TDRD6: variants seen among roughly 807,000 people sequenced by gnomAD.
The protein encoded by TDRD6 is tudor domain-containing protein 6.
TDRD6 carries 186 observed loss-of-function variants against 157.5 expected under a neutral mutation model. That is an observed-to-expected ratio of 1.18 (90% confidence interval 1.05 to 1.33). The LOEUF is 1.33. TDRD6 is among the 40% of genes most tolerant of loss of function. The pLI is 0.00. For missense variants in TDRD6, 3,066 were observed against 2,508.0 expected (o/e 1.22, Z -4.75); for synonymous variants, 1,075 against 945.2 (o/e 1.14, Z -2.52).
chr6:46,692,236 T>TA lies in TDRD6; in HGVS notation c.4109dup (p.Tyr1370Ter). ...CAVFPEDNLW[Y>*]RAVIKEQQPN... ...TGTTTTCCCAGAAGATAATTTATGG[T>TA]ATCGTGCTGTGATCAAGGAGCAACA... The change falls in exon 1 of 4, where the codon TAT (tyrosine) becomes TAAT (stop). Residue 1370 changes from tyrosine to a stop codon, truncating the protein, a stop_gained and frameshift_variant. Transcript: ENST00000316081. LOFTEE classifies it high-confidence loss of function. The TA allele has an allele frequency of 6.2e-7, 1 of 1,614,086 alleles. No individual in the cohort carries two copies. Among genetic ancestry groups the TA allele is most frequent in the Non-Finnish European group, 8.5e-7 (1 of 1,179,976 alleles).
At chr6:46,699,606 C>A (rs974670) in intron 3 of TDRD6, among the ~76,000 whole-genome samples, 1 of 151,830 alleles carries the variant, frequency 6.6e-6, no homozygotes, top group Admixed American at 6.6e-5. Flanking sequence ...TTGCTGTCTA[C>A]GCTAGCTAGG....
Position 46,691,434 on chromosome 6 carries a change from T to G in TDRD6, c.3306T>G (p.Asp1102Glu). Residue 1102 changes from aspartate to glutamate, a missense_variant, in exon 1 of 4, where the codon GAT becomes GAG. Coordinates refer to ENST00000316081, the MANE Select transcript of TDRD6 (RefSeq NM_001010870.3). ...PMQAVRCSLS[D>E]IPDHIPEEVV... The stretch of plus-strand genomic sequence containing the variant: ...AAGCTGTCAGATGTTCATTATCTGA[T>G]ATTCCTGATCATATACCAGAAGAAG... 6.2e-7 allele frequency: 1 copy of G among 1,614,100 alleles called. No individual in the cohort carries two copies. The highest frequency in any genetic ancestry group is 8.5e-7 in the Non-Finnish European group (1 of 1,179,958).
In TDRD6 at chr6:46,693,686, C is replaced by G. The variant is rs1300296257; in HGVS notation, c.5558C>G (p.Ser1853Cys). ...TCAAAAGAATTCTTAGAACTGGAAT[C>G]TATTGAGTTACAGAATTCTCTGGTG... ...DESKEFLELE[S>C]IELQNSLVVD... Residue 1853 changes from serine (S) to cysteine (C), a missense_variant, in exon 1 of 4, where the codon TCT (serine) becomes TGT (cysteine). Physicochemically the swap from Ser to Cys is moderately radical, Grantham distance 112. Transcript: ENST00000316081. 2 of 1,614,138 alleles carry G rather than the reference C, an allele frequency of 1.2e-6. No homozygotes were observed. The highest frequency in any genetic ancestry group is 2.2e-5 in the South Asian group (2 of 91,078).
In TDRD6 at chr6:46,693,733, C is replaced by T; in HGVS notation, c.5605C>T (p.Leu1869=). ...SLVVDEEKGE[L]SPVPPNVPLS... ...GGTGGTGGATGAAGAAAAAGGGGAG[C>T]TAAGCCCGGTGCCACCGAATGTGCC... The change falls in exon 1 of 4, where the codon CTA becomes TTA. Residue 1869 remains leucine, a synonymous_variant. Coordinates refer to ENST00000316081, the MANE Select transcript of TDRD6 (RefSeq NM_001010870.3). 1 of 1,614,156 alleles carries T rather than the reference C, an allele frequency of 6.2e-7. No individual in the cohort carries two copies. Among genetic ancestry groups the T allele is most frequent in the South Asian group, 1.1e-5 (1 of 91,084 alleles).
rs771566929 is a variant in TDRD6, at chr6:46,689,059, G to T, written c.931G>T (p.Asp311Tyr). ...ATWEEREESP[D>Y]KPGSPCASCG... ...CTGGGAGGAGAGGGAGGAGAGCCCA[G>T]ATAAGCCGGGCTCTCCGTGTGCATC... The change falls in exon 1 of 4, where the codon GAT becomes TAT. Residue 311 changes from aspartate to tyrosine, a missense_variant. By Grantham distance (160) the Asp-to-Tyr change is radical. Coordinates refer to ENST00000316081, the MANE Select transcript of TDRD6 (RefSeq NM_001010870.3). The T allele has an allele frequency of 1.9e-6, 3 of 1,614,082 alleles. No individual in the cohort carries two copies. Among genetic ancestry groups the T allele is most frequent in the East Asian group, 2.2e-5 (1 of 44,874 alleles).
rs769291160 is a variant in TDRD6 at position 46,688,140 on chromosome 6, G to GC, written c.15dup (p.Gly6ArgfsTer154). On this transcript the variant is annotated frameshift_variant, in exon 1 of 4. Coordinates refer to ENST00000316081, the MANE Select transcript of TDRD6 (RefSeq NM_001010870.3). LOFTEE classifies it high-confidence loss of function. ...GCCGCGCCGTCAAGATGTGCTCGACGCCCGGAATGCCGGCGCCGGGGGCCT... is the reference window on the plus strand; with the variant it reads ...GCCGCGCCGTCAAGATGTGCTCGACGCCCCGGAATGCCGGCGCCGGGGGCCT... 6 of 1,538,188 alleles carry GC rather than the reference G, an allele frequency of 3.9e-6. No individual in the cohort carries two copies. In the East Asian group the frequency reaches 1.2e-4, roughly 31 times the overall value.
Position 46,691,277 on chromosome 6 carries a change from A to T in TDRD6, c.3149A>T (p.Tyr1050Phe). ...CLAKYTDGNWYRGIVIEKEPK... is the reference protein window; with the variant it reads ...CLAKYTDGNWFRGIVIEKEPK... ...GCCAAGTATACTGATGGAAACTGGT[A>T]TAGGGGCATAGTAATAGAGAAAGAG... The change falls in exon 1 of 4, where the codon TAT becomes TTT. Residue 1050 changes from tyrosine to phenylalanine, a missense_variant. Transcript: ENST00000316081. 6.2e-7 allele frequency: 1 copy of T among 1,614,114 alleles called. No homozygotes were observed.
intron 2 of TDRD6, among the ~76,000 whole-genome samples, chr6:46,696,494 GTATATGTAATA>G (rs1764500182): frequency 2.0e-5 from 2 of 101,376 alleles, no homozygotes; most frequent in South Asian, 7.2e-4. Flanking sequence ...ATATATATAT[GTATATGTAATA>G]TATATGTATA....
At chr6:46,694,253 A>C in intron 1 of TDRD6, 79 bp downstream of exon 1, 2 of 1,074,198 alleles carry the variant, frequency 1.9e-6, no homozygotes, top group Middle Eastern at 3.3e-4. Flanking sequence ...CCTAGGCTGG[A>C]GTGCAGTGGT....
Position 46,689,590 on chromosome 6 carries a change from T to C in TDRD6, c.1462T>C (p.Phe488Leu), listed in dbSNP as rs1184194946. 2 of 1,614,178 alleles carry C rather than the reference T, an allele frequency of 1.2e-6. No individual in the cohort carries two copies. Among genetic ancestry groups the C allele is most frequent in the Non-Finnish European group, 1.7e-6 (2 of 1,180,030 alleles). Residue 488 changes from phenylalanine to leucine, a missense_variant, in exon 1 of 4, where the codon TTC becomes CTC. Transcript: ENST00000316081. Reference sequence around the variant, plus strand: ...ATCTATCAGGTTAAAGATGAATGCCTTCTACGATGCGCAGGTAGAGTTTGT... The same window carrying C: ...ATCTATCAGGTTAAAGATGAATGCCCTCTACGATGCGCAGGTAGAGTTTGT... ...LRSIRLKMNA[F>L]YDAQVEFVKN...
At position 46,692,373 on chromosome 6, in the gene TDRD6, C is replaced by G; in HGVS notation, c.4245C>G (p.Cys1415Trp). The G allele has an allele frequency of 6.2e-7, 1 of 1,614,142 alleles. No homozygotes were observed. Among genetic ancestry groups the G allele is most frequent in the Non-Finnish European group, 8.5e-7 (1 of 1,180,030 alleles). The change falls in exon 1 of 4, where the codon TGC becomes TGG. Residue 1415 changes from cysteine to tryptophan, a missense_variant. Transcript: ENST00000316081. ...DLVNAILPGL[C>W]IHCSLQGFEV... ...TTAATGCAATATTGCCGGGGTTGTGCATTCATTGCTCCTTGCAGGGATTTG... is the reference window on the plus strand; with the variant it reads ...TTAATGCAATATTGCCGGGGTTGTGGATTCATTGCTCCTTGCAGGGATTTG...
chr6:46,691,581 T>A lies in TDRD6; in HGVS notation c.3453T>A (p.Ser1151Arg). The A allele has an allele frequency of 1.2e-6, 2 of 1,613,472 alleles. No individual in the cohort carries two copies. Among genetic ancestry groups the A allele is most frequent in the Non-Finnish European group, 1.7e-6 (2 of 1,179,688 alleles). Reference protein sequence around the residue: ...LYGDNIQISASINKKLGLLSY... With the variant: ...LYGDNIQISARINKKLGLLSY... ...GTGACAATATTCAAATTAGTGCTAGTATTAATAAGAAGTTGGGGCTACTTA... is the reference window on the plus strand; with the variant it reads ...GTGACAATATTCAAATTAGTGCTAGAATTAATAAGAAGTTGGGGCTACTTA... Residue 1151 changes from serine (S) to arginine (R), a missense_variant, in exon 1 of 4, where the codon AGT (serine) becomes AGA (arginine). Transcript: ENST00000316081.
At chr6:46,696,071 T>C (rs1307641939) in intron 2 of TDRD6, 126 bp downstream of exon 2, 1 of 1,001,194 alleles carries the variant, frequency 1.0e-6, no homozygotes, top group Non-Finnish European at 1.5e-6. Flanking sequence ...CCCTGATAAC[T>C]TGATGTAATG....
At chr6:46,695,195 A>G (rs541463444) in intron 1 of TDRD6, among the ~76,000 whole-genome samples, 6 of 152,298 alleles carry the variant, frequency 3.9e-5, no homozygotes, top group East Asian at 3.9e-4. Flanking sequence ...GAAGTGATCA[A>G]TGTTAACACC....
chr6:46,681,613 A>C, the TDRD6 span: 12 of 469,848 alleles, frequency 2.6e-5, no homozygotes, highest in African/African-American at 2.4e-4. Context: ...GTTTGCTGAA[A>C]ATATCTGGTA....
At position 46,688,022 on chromosome 6, in the gene TDRD6, T is replaced by C. The variant is rs1026182782; in HGVS notation, c.-107T>C. The C allele has an allele frequency of 8.7e-6, 12 of 1,376,590 alleles. No individual in the cohort carries two copies. Among genetic ancestry groups the C allele is most frequent in the African/African-American group, 3.1e-5 (2 of 64,892 alleles). 85.3% of individuals were successfully genotyped at this position (1,376,590 alleles called of 1,614,324 possible). A position where few individuals can be genotyped will look rare whatever the true frequency, so the allele number is the denominator to read the frequency against. Reference sequence around the variant, plus strand: ...GCATTCTTCCCCTCCACTGGGTCCTTTGAACCTAGTTTGGCTGGGACTCGC... The same window carrying C: ...GCATTCTTCCCCTCCACTGGGTCCTCTGAACCTAGTTTGGCTGGGACTCGC... On this transcript the variant is annotated 5_prime_UTR_variant, in exon 1 of 4. Transcript: ENST00000316081.
intron 3 of TDRD6, among the ~76,000 whole-genome samples, chr6:46,699,052 C>G (rs1189110012): frequency 6.6e-6 from 1 of 152,166 alleles, no homozygotes; most frequent in Non-Finnish European, 1.5e-5. Flanking sequence ...GCTTATTTGG[C>G]TCTGTTCTGC....
chr6:46,690,607 CG>C lies in TDRD6; in HGVS notation c.2480del (p.Arg827GlnfsTer3). On this transcript the variant is annotated frameshift_variant, in exon 1 of 4. Transcript: ENST00000316081. LOFTEE classifies it high-confidence loss of function. ...QRNTLACLAKRTVNRQWSRAL... is the reference protein window; with the variant it reads ...QRNTLACLAKXTVNRQWSRAL... The stretch of plus-strand genomic sequence containing the variant: ...AAACACCCTTGCTTGTTTGGCTAAG[CG>C]AACAGTAAACAGACAGTGGTCCAGA... The C allele has an allele frequency of 6.2e-7, 1 of 1,614,120 alleles. No individual in the cohort carries two copies. The highest frequency in any genetic ancestry group is 8.5e-7 in the Non-Finnish European group (1 of 1,180,016).
chr6:46,688,704 G>C lies in TDRD6; in HGVS notation c.576G>C (p.Arg192=). The part of the protein sequence containing the change: ...LEVPDVFQQM[R]ELGLARRVPD... ...TGCCTGATGTGTTCCAACAGATGCG[G>C]GAGCTGGGCCTGGCTCGGCGGGTGC... The change falls in exon 1 of 4, where the codon CGG becomes CGC. Residue 192 remains arginine, a synonymous_variant. Transcript: ENST00000316081. The C allele has an allele frequency of 6.2e-7, 1 of 1,601,056 alleles. No individual in the cohort carries two copies. The highest frequency in any genetic ancestry group is 8.5e-7 in the Non-Finnish European group (1 of 1,179,700).
Sources: allele counts gnomAD v4.1 joint callset (sites outside exome capture counted in the v4.1 genomes callset), GRCh38; gene constraint gnomAD v4.1.1; transcripts MANE v1.5; gene names NCBI Gene and HGNC (gene_info 2026-07-23, HGNC 2026-07-21).